The following LGSN variants were observed in gnomAD, a reference collection of about 807,000 sequenced individuals.
LGSN encodes the protein lengsin.
In LGSN, 21 loss-of-function variants were observed where a neutral mutation model predicts 19.5. That is an observed-to-expected ratio of 1.07 (90% confidence interval 0.76 to 1.55). LGSN has a LOEUF of 1.55. Ranked by LOEUF, LGSN falls within the 40% of genes most tolerant of loss-of-function variation. The pLI is 0.00. For missense variants in LGSN, 673 were observed against 608.5 expected (o/e 1.11, Z -1.12); for synonymous variants, 257 against 215.6 (o/e 1.19, Z -1.68).
At chr6:63,546,348 G>A in the LGSN span, among the ~76,000 whole-genome samples, 37 of 152,326 alleles carry the variant, frequency 2.4e-4, no homozygotes, top group African/African-American at 8.4e-4. Context: ...CATAGAAGCA[G>A]AGAGTAGAAT....
chr6:63,379,443 T>C, the LGSN span, among the ~76,000 whole-genome samples: 1 of 152,232 alleles, frequency 6.6e-6, no homozygotes, highest in African/African-American at 2.4e-5. Flanking sequence ...AGCTGGTCAC[T>C]ACTTCCTCAG....
At chr6:63,499,893 G>A in the LGSN span, among the ~76,000 whole-genome samples, 1 of 151,204 alleles carries the variant, frequency 6.6e-6, no homozygotes, top group Non-Finnish European at 1.5e-5. Flanking sequence ...CCAAATATCA[G>A]AGACTCATGC....
intron 2 of LGSN, among the ~76,000 whole-genome samples, chr6:63,290,703 A>G (rs1276077912): frequency 2.6e-5 from 4 of 152,212 alleles, no homozygotes; most frequent in Non-Finnish European, 5.9e-5. Flanking sequence ...AATATTTGCA[A>G]CCGTGTAGGC....
the LGSN span, among the ~76,000 whole-genome samples, chr6:63,465,566 A>T: frequency 6.6e-6 from 1 of 152,188 alleles, no homozygotes; most frequent in Non-Finnish European, 1.5e-5. Flanking sequence ...TCTACTAGGA[A>T]ATTCAGTGAA....
At chr6:63,299,690 T>C (rs921766627) in intron 1 of LGSN, among the ~76,000 whole-genome samples, 5 of 152,196 alleles carry the variant, frequency 3.3e-5, no homozygotes, top group Non-Finnish European at 7.3e-5. Context: ...TCCGTGTCTG[T>C]CTATATGTCT....
chr6:63,489,710 A>C, the LGSN span, among the ~76,000 whole-genome samples: 1 of 150,056 alleles, frequency 6.7e-6, no homozygotes, highest in Non-Finnish European at 1.5e-5. Context: ...TTATTTATTT[A>C]TTTCTTTATT....
the LGSN span, among the ~76,000 whole-genome samples, chr6:63,491,285 C>T: frequency 6.6e-6 from 1 of 152,290 alleles, no homozygotes; most frequent in South Asian, 2.1e-4. Context: ...TACAGCAATG[C>T]TTTTTGCTTG....
chr6:63,410,843 C>T, the LGSN span, among the ~76,000 whole-genome samples: 1 of 152,144 alleles, frequency 6.6e-6, no homozygotes, highest in African/African-American at 2.4e-5. Context: ...ATCTTAATGA[C>T]CCCACATGCT....
the LGSN span, among the ~76,000 whole-genome samples, chr6:63,483,898 A>G: frequency 2.2e-3 from 331 of 151,688 alleles, 1 homozygote; most frequent in Non-Finnish European, 3.7e-3. Flanking sequence ...TCCAGTAGTC[A>G]CATTCTGAGG....
intron 3 of LGSN, among the ~76,000 whole-genome samples, chr6:63,282,709 C>T (rs1562004435): frequency 6.6e-6 from 1 of 152,150 alleles, no homozygotes; most frequent in East Asian, 1.9e-4. Context: ...CCACTTTAAC[C>T]AATAATAAAG....
At chr6:63,508,654 C>G in the LGSN span, among the ~76,000 whole-genome samples, 3 of 152,128 alleles carry the variant, frequency 2.0e-5, no homozygotes, top group East Asian at 1.9e-4. Flanking sequence ...CGGTGGCTCA[C>G]GCCTATAATC....
At chr6:63,549,161 G>A in the LGSN span, 1 of 685,112 alleles carries the variant, frequency 1.5e-6, no homozygotes, top group Non-Finnish European at 2.6e-6. Flanking sequence ...TTTTGGCCAG[G>A]GCCAACAGCC....
chr6:63,499,478 G>A, the LGSN span, among the ~76,000 whole-genome samples: 1 of 152,058 alleles, frequency 6.6e-6, no homozygotes, highest in African/African-American at 2.4e-5. Context: ...TGCTATGGGT[G>A]GGGCTTTAAG....
the LGSN span, among the ~76,000 whole-genome samples, chr6:63,559,217 T>A: frequency 6.6e-6 from 1 of 152,146 alleles, no homozygotes; most frequent in African/African-American, 2.4e-5. Flanking sequence ...AAATACTCCC[T>A]TGTAACAAAG....
At chr6:63,331,250 TCTCC>T in the LGSN span, among the ~76,000 whole-genome samples, 2 of 152,270 alleles carry the variant, frequency 1.3e-5, no homozygotes, top group East Asian at 3.9e-4. Context: ...AGTTGTGTAT[TCTCC>T]CTCAATGAAA....
At chr6:63,339,310 T>A in the LGSN span, among the ~76,000 whole-genome samples, 1 of 152,210 alleles carries the variant, frequency 6.6e-6, no homozygotes, top group Non-Finnish European at 1.5e-5. Context: ...GAGTTTAATC[T>A]CTCTTTAGTG....
At chr6:63,358,016 G>A in the LGSN span, among the ~76,000 whole-genome samples, 3 of 152,100 alleles carry the variant, frequency 2.0e-5, no homozygotes, top group East Asian at 3.8e-4. Context: ...TGTATAAGGT[G>A]TAAGGAAGGG....
At chr6:63,450,085 G>A in the LGSN span, among the ~76,000 whole-genome samples, 5 of 149,876 alleles carry the variant, frequency 3.3e-5, no homozygotes, top group Non-Finnish European at 5.9e-5. Context: ...GGTGGCTCAC[G>A]CCTGTAACCC....
At chr6:63,423,984 G>T in the LGSN span, among the ~76,000 whole-genome samples, 1 of 152,118 alleles carries the variant, frequency 6.6e-6, no homozygotes, top group African/African-American at 2.4e-5. Context: ...AGGTTGCAGT[G>T]AGCCAAGATC....
Sources: allele counts gnomAD v4.1 joint callset (sites outside exome capture counted in the v4.1 genomes callset), GRCh38; gene constraint gnomAD v4.1.1; transcripts MANE v1.5; gene names NCBI Gene and HGNC (gene_info 2026-07-23, HGNC 2026-07-21).